PDK1: variants seen among roughly 807,000 people sequenced by gnomAD.
The protein encoded by PDK1 is [Pyruvate dehydrogenase (acetyl-transferring)] kinase isozyme 1, mitochondrial.
Under a neutral mutation model 54.2 loss-of-function variants are expected in PDK1, and 39 were observed. That is an observed-to-expected ratio of 0.72 (90% confidence interval 0.56 to 0.94). PDK1 has a LOEUF of 0.94. Ranked by LOEUF, PDK1 falls within the 40% of genes least tolerant of loss-of-function variation. The pLI, the probability that PDK1 is intolerant of heterozygous loss-of-function variation, is 0.00. For synonymous variants in PDK1, 221 were observed against 207.1 expected (o/e 1.07, Z -0.58); for missense variants, 552 against 566.0 (o/e 0.98, Z 0.25).
the PDK1 span, among the ~76,000 whole-genome samples, chr2:172,676,840 C>T: frequency 3.3e-5 from 5 of 152,116 alleles, no homozygotes; most frequent in Non-Finnish European, 5.9e-5. Flanking sequence ...AGATTGAATC[C>T]ATGTGGCAAA....
At chr2:172,579,145 G>GT (rs1001254322) in intron 8 of PDK1, among the ~76,000 whole-genome samples, 22 of 152,184 alleles carry the variant, frequency 1.4e-4, no homozygotes, top group African/African-American at 5.3e-4. Context: ...AAGCTTTTTG[G>GT]TTAGCCTTAT....
At chr2:172,556,547 G>A (rs145258478) in intron 1 of PDK1, 6 of 441,662 alleles carry the variant, frequency 1.4e-5, no homozygotes, top group African/African-American at 1.2e-4. Context: ...ATAACGGTGG[G>A]CGTGTGGCTT....
intron 8 of PDK1, among the ~76,000 whole-genome samples, chr2:172,585,894 G>A (rs1690195603): frequency 6.6e-6 from 1 of 152,018 alleles, no homozygotes; most frequent in African/African-American, 2.4e-5. Flanking sequence ...GGCTGGGTGC[G>A]GTGGCTCATG....
In PDK1 at chr2:172,608,520, C is replaced by T. The variant is rs1574558058; in HGVS notation, c.*12551C>T. 2 of 152,286 alleles carry T rather than the reference C, an allele frequency of 1.3e-5. No homozygotes were observed. The highest frequency in any genetic ancestry group is 3.9e-4 in the East Asian group (2 of 5,180). The allele number at this position is 152,286 out of a possible 1,614,324, so 9.4% of individuals were successfully genotyped here. ...TTAAATTGTACAACTGTTTATCATT[C>T]ACTCTGCTGTAAGTCTATGTGAAAC... On this transcript the variant is annotated 3_prime_UTR_variant, in exon 11 of 11. Transcript: ENST00000282077.
At chr2:172,708,943 T>C in the PDK1 span, among the ~76,000 whole-genome samples, 1 of 152,210 alleles carries the variant, frequency 6.6e-6, no homozygotes, top group African/African-American at 2.4e-5. Context: ...TTTTGCACTT[T>C]GGATTTTCAG....
chr2:172,583,312 T>TTTTA (rs1558947464), intron 8 of PDK1, among the ~76,000 whole-genome samples: 2 of 134,854 alleles, frequency 1.5e-5, no homozygotes, highest in African/African-American at 5.6e-5. Flanking sequence ...TTTTTTTTTT[T>TTTTA]ACTGAGCAGA....
intron 9 of PDK1, 52 bp from the exon 10 acceptor site, chr2:172,592,883 G>T: frequency 1.0e-6 from 1 of 964,520 alleles, no homozygotes; most frequent in East Asian, 2.4e-5. Flanking sequence ...AATTAGAAAA[G>T]TATTTCAGTG....
the PDK1 span, among the ~76,000 whole-genome samples, chr2:172,632,202 G>T: frequency 6.6e-6 from 1 of 151,790 alleles, no homozygotes; most frequent in African/African-American, 2.4e-5. Flanking sequence ...AGGAGGCGGA[G>T]ATTGCAGTGA....
At chr2:172,654,202 A>G in the PDK1 span, among the ~76,000 whole-genome samples, 1 of 152,156 alleles carries the variant, frequency 6.6e-6, no homozygotes, top group Non-Finnish European at 1.5e-5. Flanking sequence ...ATTGTGGAAA[A>G]CAGTGTGGCG....
chr2:172,604,561 A>G lies in PDK1; in HGVS notation c.*8592A>G, dbSNP rs932970425. ...CATTTCACGTTTGAATCTCCAGTTCAGAAAAATCATGGCCTCTGGAGTTTT... is the reference window on the plus strand; with the variant it reads ...CATTTCACGTTTGAATCTCCAGTTCGGAAAAATCATGGCCTCTGGAGTTTT... On this transcript the variant is annotated 3_prime_UTR_variant, in exon 11 of 11. Coordinates refer to ENST00000282077, the MANE Select transcript of PDK1 (RefSeq NM_002610.5). The G allele has an allele frequency of 1.3e-5, 2 of 152,218 alleles. No individual in the cohort carries two copies. Among genetic ancestry groups the G allele is most frequent in the Admixed American group, 1.3e-4 (2 of 15,290 alleles). The allele number at this position is 152,218 out of a possible 1,614,324, so 9.4% of individuals were successfully genotyped here.
At chr2:172,631,209 A>C in the PDK1 span, among the ~76,000 whole-genome samples, 1 of 152,274 alleles carries the variant, frequency 6.6e-6, no homozygotes, top group Admixed American at 6.5e-5. Flanking sequence ...AAACGTGTCT[A>C]TTTTGAGTTT....
At chr2:172,633,220 T>A in the PDK1 span, among the ~76,000 whole-genome samples, 13 of 111,806 alleles carry the variant, frequency 1.2e-4, no homozygotes, top group South Asian at 2.4e-4. Flanking sequence ...TTAAAAAAAA[T>A]TTTTTTTTTT....
the PDK1 span, among the ~76,000 whole-genome samples, chr2:172,703,267 A>G: frequency 3.3e-5 from 5 of 152,148 alleles, no homozygotes; most frequent in African/African-American, 1.2e-4. Context: ...AAGGAGTACA[A>G]TACAGTCGAC....
the PDK1 span, among the ~76,000 whole-genome samples, chr2:172,704,398 G>A: frequency 6.6e-6 from 1 of 152,138 alleles, no homozygotes; most frequent in East Asian, 1.9e-4. Flanking sequence ...ACTGAGTTGG[G>A]GTGAAAGGGA....
chr2:172,665,695 G>T, the PDK1 span, among the ~76,000 whole-genome samples: 1 of 152,162 alleles, frequency 6.6e-6, no homozygotes. Context: ...ACCCCAGTTT[G>T]CACAGGAAGA....
At chr2:172,583,639 A>C (rs1344252200) in intron 8 of PDK1, among the ~76,000 whole-genome samples, 1 of 152,002 alleles carries the variant, frequency 6.6e-6, no homozygotes, top group Non-Finnish European at 1.5e-5. Context: ...TGATAGTGTA[A>C]TTACTTAATT....
chr2:172,662,227 A>T, the PDK1 span, among the ~76,000 whole-genome samples: 1 of 152,236 alleles, frequency 6.6e-6, no homozygotes, highest in Non-Finnish European at 1.5e-5. Context: ...ACACTCAAAG[A>T]TACAATTATA....
chr2:172,568,730 C>T lies in PDK1; in HGVS notation c.770-11C>T. 6.4e-7 allele frequency: 1 copy of T among 1,558,218 alleles called. No individual in the cohort carries two copies. Among genetic ancestry groups the T allele is most frequent in the African/African-American group, 1.4e-5 (1 of 73,918 alleles). On this transcript the variant is annotated splice_polypyrimidine_tract_variant and intron_variant, in intron 6 of 10. Transcript: ENST00000282077. ...CTCTGTACTTTCATATTTTTCTCTT[C>T]TGCTCTGTAGCAAAATCACCAGGAC...
At chr2:172,587,571 A>G (rs896974180) in intron 9 of PDK1, among the ~76,000 whole-genome samples, 4 of 152,110 alleles carry the variant, frequency 2.6e-5, no homozygotes, top group Non-Finnish European at 4.4e-5. Context: ...TGTGGACCCA[A>G]AGAGTGAGCA....
Sources: gnomAD v4.1 joint callset for allele counts (sites outside exome capture counted in the v4.1 genomes callset) on GRCh38, gnomAD v4.1.1 for gene constraint, MANE v1.5 for transcripts, NCBI Gene and HGNC (gene_info 2026-07-23, HGNC 2026-07-21) for gene names.